GJC2: variants seen among roughly 807,000 people sequenced by gnomAD.
The protein encoded by GJC2 is gap junction gamma-2 protein.
For missense variants in GJC2, 647 were observed against 648.9 expected (o/e 1.00, Z 0.03); for synonymous variants, 336 against 307.5 (o/e 1.09, Z -0.97).
intron 1 of GJC2, among the ~76,000 whole-genome samples, chr1:228,155,259 G>A (rs1007852165): frequency 2.6e-5 from 4 of 152,214 alleles, no homozygotes; most frequent in African/African-American, 9.7e-5. Flanking sequence ...TGTGGGAGCC[G>A]TGGGCAGAGC....
chr1:228,153,372 G>A (rs1327389690), intron 1 of GJC2, among the ~76,000 whole-genome samples: 14 of 131,726 alleles, frequency 1.1e-4, no homozygotes, highest in Admixed American at 2.5e-4. Context: ...CTGGGCGACA[G>A]AGCGAGACCC....
intron 1 of GJC2, among the ~76,000 whole-genome samples, chr1:228,154,895 CCTG>C (rs1432359377): frequency 2.0e-5 from 3 of 152,228 alleles, no homozygotes; most frequent in Non-Finnish European, 4.4e-5. Flanking sequence ...ACCAGGGGTT[CCTG>C]ATTCCTGTGA....
intron 1 of GJC2, among the ~76,000 whole-genome samples, chr1:228,156,773 C>T (rs1391815362): frequency 1.3e-5 from 2 of 152,268 alleles, no homozygotes; most frequent in African/African-American, 2.4e-5. Flanking sequence ...AGAGGGTGGG[C>T]AGGGGAGCTG....
chr1:228,157,106 G>A (rs1260055815), intron 1 of GJC2, among the ~76,000 whole-genome samples: 1 of 145,490 alleles, frequency 6.9e-6, no homozygotes, highest in African/African-American at 2.8e-5. Flanking sequence ...GAGGATGGAG[G>A]ATTTTGTGGA....
chr1:228,157,268 G>A (rs151119099), intron 1 of GJC2, among the ~76,000 whole-genome samples: 2,250 of 152,240 alleles, frequency 0.015, 16 homozygotes, highest in Non-Finnish European at 0.023. Context: ...AGCTGATGGT[G>A]GTGCAGGCAC....
At position 228,158,923 on chromosome 1, in the gene GJC2, G is replaced by A. The variant is rs1334342053; in HGVS notation, c.1165G>A (p.Ala389Thr). 3 of 1,512,866 alleles carry A rather than the reference G, an allele frequency of 2.0e-6. No individual in the cohort carries two copies. Among genetic ancestry groups the A allele is most frequent in the Non-Finnish European group, 2.6e-6 (3 of 1,136,790 alleles). The allele number at this position is 1,512,866 out of a possible 1,614,324, so 93.7% of individuals were successfully genotyped here. The change falls in exon 2 of 2, where the codon GCC becomes ACC. Residue 389 changes from alanine to threonine, a missense_variant. Ala to Thr is a moderately conservative substitution (Grantham distance 58). Coordinates refer to ENST00000366714, the MANE Select transcript of GJC2 (RefSeq NM_020435.4). This position sits in a 1 kb window ranked among gnomAD's most constrained non-coding sequence, Gnocchi z 8.3. Reference sequence around the variant, plus strand: ...CTCCCGGGGGCCCCCCAGAGCAGGCGCCCCCGCGTCCCGGACGGGCAGTGC... The same window carrying A: ...CTCCCGGGGGCCCCCCAGAGCAGGCACCCCCGCGTCCCGGACGGGCAGTGC... ...AASRGPPRAG[A>T]PASRTGSATS...
rs1482435140 is a variant in GJC2, at chr1:228,151,774, T to C, written c.-20+1767T>C. ...GGTTCCAGGCCTCGGGCTTGGGTCC[T>C]AGGTGGCTGAGCTCTGCACCTCCCT... is the stretch of plus-strand genomic sequence containing the variant. On this transcript the variant is annotated intron_variant, in intron 1 of 1. Transcript: ENST00000366714. This position sits in a 1 kb window ranked among gnomAD's most constrained non-coding sequence, Gnocchi z 5.4. Among the ~76,000 whole-genome samples the C allele has an allele frequency of 6.6e-6, 1 of 152,064 alleles. No homozygotes were observed. The highest frequency in any genetic ancestry group is 1.9e-4 in the East Asian group (1 of 5,170).
In GJC2 at chr1:228,159,506, A is replaced by G. The variant is rs1057222137; in HGVS notation, c.*428A>G. 4 of 186,650 alleles carry G rather than the reference A, an allele frequency of 2.1e-5. No homozygotes were observed. The highest frequency in any genetic ancestry group is 9.6e-5 in the African/African-American group (4 of 41,766). The allele number at this position is 186,650 out of a possible 1,614,324, so 11.6% of individuals were successfully genotyped here. The stretch of plus-strand genomic sequence containing the variant: ...GTGTCCCCATTCCCTGCAACAGCAA[A>G]TGGGGCTCCTTCTTCAGCCCTCCCC... On this transcript the variant is annotated 3_prime_UTR_variant, in exon 2 of 2. Coordinates refer to ENST00000366714, the MANE Select transcript of GJC2 (RefSeq NM_020435.4). This position sits in a 1 kb window ranked among gnomAD's most constrained non-coding sequence, Gnocchi z 4.0.
rs1232465992 is a variant in GJC2 at position 228,152,341 on chromosome 1, C to T, written c.-20+2334C>T. 6.6e-6 allele frequency among the ~76,000 whole-genome samples: 1 copy of T among 152,146 alleles called. No individual in the cohort carries two copies. Among genetic ancestry groups the T allele is most frequent in the Non-Finnish European group, 1.5e-5 (1 of 68,014 alleles). ...GAGATGGAAGGAAATACCTGGGCCC[C>T]TGACCCTGTGCTACACCCAGCAGGG... On this transcript the variant is annotated intron_variant, in intron 1 of 1. Coordinates refer to ENST00000366714, the MANE Select transcript of GJC2 (RefSeq NM_020435.4). This position sits in a 1 kb window ranked among gnomAD's most constrained non-coding sequence, Gnocchi z 7.3.
In GJC2 at chr1:228,152,430, G is replaced by A. The variant is rs2124962721; in HGVS notation, c.-20+2423G>A. ...ACCCAGGATGAGCAGGAGCTTGATG[G>A]GGGAGGGGGCCCGGCTCTGACCGGT... On this transcript the variant is annotated intron_variant, in intron 1 of 1. Transcript: ENST00000366714. The surrounding 1 kb of genome is among the most constrained non-coding windows in gnomAD (Gnocchi z 7.3). Among the ~76,000 whole-genome samples the A allele has an allele frequency of 6.6e-6, 1 of 152,218 alleles. No individual in the cohort carries two copies. The highest frequency in any genetic ancestry group is 6.5e-5 in the Admixed American group (1 of 15,306).
rs2034614417 is a variant in GJC2, at chr1:228,151,411, G to A, written c.-20+1404G>A. Among the ~76,000 whole-genome samples the A allele has an allele frequency of 6.6e-6, 1 of 152,082 alleles. No individual in the cohort carries two copies. The highest frequency in any genetic ancestry group is 6.5e-5 in the Admixed American group (1 of 15,274). ...GTAAGGGGAGCCACCATGTGGGCAGGCACTTGGGGTCTTGGTGGGGGCACC... is the reference window on the plus strand; with the variant it reads ...GTAAGGGGAGCCACCATGTGGGCAGACACTTGGGGTCTTGGTGGGGGCACC... On this transcript the variant is annotated intron_variant, in intron 1 of 1. Coordinates refer to ENST00000366714, the MANE Select transcript of GJC2 (RefSeq NM_020435.4). The surrounding 1 kb of genome is among the most constrained non-coding windows in gnomAD (Gnocchi z 5.4).
In GJC2 at chr1:228,158,897, C is replaced by T; in HGVS notation, c.1139C>T (p.Ala380Val). 6.7e-7 allele frequency: 1 copy of T among 1,489,798 alleles called. No homozygotes were observed. 92.3% of individuals were successfully genotyped at this position (1,489,798 alleles called of 1,614,324 possible). Residue 380 changes from alanine (A) to valine (V), a missense_variant, in exon 2 of 2, where the codon GCC (alanine) becomes GTC (valine). Physicochemically the swap from Ala to Val is moderately conservative, Grantham distance 64 (BLOSUM62 0). Coordinates refer to ENST00000366714, the MANE Select transcript of GJC2 (RefSeq NM_020435.4). The surrounding 1 kb of genome is among the most constrained non-coding windows in gnomAD (Gnocchi z 8.3). ...DSSPCVGLPAASRGPPRAGAP... is the reference protein window; with the variant it reads ...DSSPCVGLPAVSRGPPRAGAP... ...TCGCCGTGCGTCGGCCTCCCTGCGGCCTCCCGGGGGCCCCCCAGAGCAGGC... is the reference window on the plus strand; with the variant it reads ...TCGCCGTGCGTCGGCCTCCCTGCGGTCTCCCGGGGGCCCCCCAGAGCAGGC...
chr1:228,155,298 G>A lies in GJC2; in HGVS notation c.-19-2442G>A, dbSNP rs12404146. Among the ~76,000 whole-genome samples the A allele has an allele frequency of 6.8e-3, 1,032 of 152,356 alleles. 35 individuals are homozygous for A. The highest frequency in any genetic ancestry group is 0.046 in the Admixed American group (711 of 15,308). ...CGAGGGGATATCTGGAGCCAGGCGT[G>A]GAATGGGGGCAGGGGACCTGGCACT... is the stretch of plus-strand genomic sequence containing the variant. On this transcript the variant is annotated intron_variant, in intron 1 of 1. Transcript: ENST00000366714.
At position 228,156,206 on chromosome 1, in the gene GJC2, G is replaced by A. The variant is rs12120317; in HGVS notation, c.-19-1534G>A. On this transcript the variant is annotated intron_variant, in intron 1 of 1. Transcript: ENST00000366714. ...TGTGCATATATGTGTATGTGGTTGT[G>A]CATACGTATGTGCATGTGTGTGCAT... Among the ~76,000 whole-genome samples, 484 of 152,288 alleles carry A rather than the reference G, an allele frequency of 3.2e-3. 2 individuals are homozygous for A. Among genetic ancestry groups the A allele is most frequent in the Admixed American group, 6.1e-3 (93 of 15,304 alleles).
chr1:228,159,235 G>T lies in GJC2; in HGVS notation c.*157G>T. 1 of 873,522 alleles carries T rather than the reference G, an allele frequency of 1.1e-6. No homozygotes were observed. The highest frequency in any genetic ancestry group is 1.7e-5 in the South Asian group (1 of 58,080). The allele number at this position is 873,522 out of a possible 1,614,324, so 54.1% of individuals were successfully genotyped here. ...GCTGCTCAGGGAAGGGGCTGAAAGC[G>T]GCAGAGGAGTGCCCTGGCTTGGTCA... On this transcript the variant is annotated 3_prime_UTR_variant, in exon 2 of 2. Coordinates refer to ENST00000366714, the MANE Select transcript of GJC2 (RefSeq NM_020435.4). The surrounding 1 kb of genome is among the most constrained non-coding windows in gnomAD (Gnocchi z 4.0).
chr1:228,155,402 T>C (rs2034666870), intron 1 of GJC2, among the ~76,000 whole-genome samples: 1 of 152,160 alleles, frequency 6.6e-6, no homozygotes, highest in African/African-American at 2.4e-5. Context: ...GGCGTCCTAA[T>C]GCTCCCCAGG....
At chr1:228,157,376 G>A (rs897358993) in intron 1 of GJC2, among the ~76,000 whole-genome samples, 1 of 152,242 alleles carries the variant, frequency 6.6e-6, no homozygotes, top group East Asian at 1.9e-4. Context: ...GGCAGGCTGG[G>A]GAGACCCTTT....
rs764951978 is a variant in GJC2, at chr1:228,159,220, G to A, written c.*142G>A. On this transcript the variant is annotated 3_prime_UTR_variant, in exon 2 of 2. Transcript: ENST00000366714. The surrounding 1 kb of genome is among the most constrained non-coding windows in gnomAD (Gnocchi z 4.0). ...CAGAGGGGCAGCCAGGCTGCTCAGGGAAGGGGCTGAAAGCGGCAGAGGAGT... is the reference window on the plus strand; with the variant it reads ...CAGAGGGGCAGCCAGGCTGCTCAGGAAAGGGGCTGAAAGCGGCAGAGGAGT... 179 of 1,002,496 alleles carry A rather than the reference G, an allele frequency of 1.8e-4. No homozygotes were observed. The highest frequency in any genetic ancestry group is 9.9e-4 in the Middle Eastern group (3 of 3,028). 62.1% of individuals were successfully genotyped at this position (1,002,496 alleles called of 1,614,324 possible). A position where few individuals can be genotyped will look rare whatever the true frequency, so the allele number is the denominator to read the frequency against.
Position 228,153,003 on chromosome 1 carries a change from T to C in GJC2, c.-20+2996T>C, listed in dbSNP as rs1008031566. On this transcript the variant is annotated intron_variant, in intron 1 of 1. Coordinates refer to ENST00000366714, the MANE Select transcript of GJC2 (RefSeq NM_020435.4). Reference sequence around the variant, plus strand: ...CCACCAATCCTCATTTTGGGCACCCTGGAGGTGTAGCTTTGGGGTGAGATC... The same window carrying C: ...CCACCAATCCTCATTTTGGGCACCCCGGAGGTGTAGCTTTGGGGTGAGATC... 2.0e-5 allele frequency among the ~76,000 whole-genome samples: 3 copies of C among 152,230 alleles called. No individual in the cohort carries two copies. The East Asian group carries it at 5.8e-4, about 30-fold the overall frequency.
Sources: gnomAD v4.1 joint callset for allele counts (sites outside exome capture counted in the v4.1 genomes callset) on GRCh38, gnomAD v4.1.1 for gene constraint, Gnocchi (gnomAD v3.1) non-coding constraint, MANE v1.5 for transcripts, NCBI Gene and HGNC (gene_info 2026-07-23, HGNC 2026-07-21) for gene names.